LRBA: variants seen among roughly 807,000 people sequenced by gnomAD.
LRBA encodes lipopolysaccharide-responsive and beige-like anchor protein.
In LRBA, 176 loss-of-function variants were observed where a neutral mutation model predicts 330.0. The ratio of observed to expected loss-of-function variants is 0.53; its 90% confidence interval spans 0.47 to 0.60. The LOEUF (loss-of-function observed/expected upper bound fraction) is 0.60, where lower values mean the gene tolerates loss of function less well. Ranked by LOEUF, LRBA falls within the 20% of genes least tolerant of loss-of-function variation. LRBA has a pLI of 0.00. For missense variants in LRBA, 3,259 were observed against 3,444.8 expected, an observed-to-expected ratio of 0.95 and a Z score of 1.35; for synonymous variants, 1,230 against 1,193.0, an observed-to-expected ratio of 1.03 and a Z score of -0.64.
At chr4:150,338,810 C>T (rs1735079373) in intron 48 of LRBA, among the ~76,000 whole-genome samples, 1 of 152,118 alleles carries the variant, frequency 6.6e-6, no homozygotes, top group African/African-American at 2.4e-5. Context: ...TATAGCTAGA[C>T]ATTAACATGT....
chr4:150,915,800 A>G, intron 7 of LRBA, 73 bp from the exon 8 acceptor site: 1 of 1,142,304 alleles, frequency 8.8e-7, no homozygotes, highest in Non-Finnish European at 1.2e-6. Flanking sequence ...CTGATGAGTA[A>G]AAGTTAAATG....
chr4:150,582,357 C>G (rs1484274934), intron 40 of LRBA: 1 of 151,960 alleles, frequency 6.6e-6, no homozygotes, highest in Admixed American at 6.6e-5. Context: ...CACGACCCCC[C>G]GAGAAGAGAC....
At chr4:150,353,069 C>G (rs1485299465) in intron 47 of LRBA, among the ~76,000 whole-genome samples, 1 of 152,132 alleles carries the variant, frequency 6.6e-6, no homozygotes, top group African/African-American at 2.4e-5. Context: ...CTATGCATAT[C>G]TTCAGGCTTA....
At chr4:150,267,089 G>A (rs138059605) in intron 56 of LRBA, among the ~76,000 whole-genome samples, 1,620 of 152,220 alleles carry the variant, frequency 0.011, 23 homozygotes, top group African/African-American at 0.037. Context: ...TGGTTCTACA[G>A]TAATAGTTTT....
chr4:150,593,618 A>C (rs913949014), intron 38 of LRBA, among the ~76,000 whole-genome samples: 2 of 152,214 alleles, frequency 1.3e-5, no homozygotes, highest in African/African-American at 2.4e-5. Flanking sequence ...CTTGTTTTTC[A>C]TAGTGCATTT....
intron 36 of LRBA, among the ~76,000 whole-genome samples, chr4:150,730,242 AC>A (rs2127122057): frequency 6.6e-6 from 1 of 152,358 alleles, no homozygotes; most frequent in South Asian, 2.1e-4. Flanking sequence ...TTGCAAAGCT[AC>A]CCATCTGACA....
chr4:150,369,400 T>C (rs1739934241), intron 47 of LRBA, among the ~76,000 whole-genome samples: 1 of 152,142 alleles, frequency 6.6e-6, no homozygotes. Flanking sequence ...CACAAGAAGG[T>C]TGAATTTAAC....
At chr4:150,302,225 T>C (rs1427044253) in intron 53 of LRBA, among the ~76,000 whole-genome samples, 1 of 152,018 alleles carries the variant, frequency 6.6e-6, no homozygotes. Context: ...GAAAGCATAA[T>C]TTTATCAAGA....
intron 26 of LRBA, 129 bp from the exon 27 acceptor site, chr4:150,844,908 T>C: frequency 1.4e-6 from 1 of 719,340 alleles, no homozygotes; most frequent in Non-Finnish European, 2.3e-6. Flanking sequence ...TTCAGCTTAT[T>C]CCTAAAATGT....
chr4:150,500,078 T>C (rs915505620), intron 40 of LRBA, among the ~76,000 whole-genome samples: 1 of 152,082 alleles, frequency 6.6e-6, no homozygotes, highest in Non-Finnish European at 1.5e-5. Flanking sequence ...CAATAACATA[T>C]AGTTTCAAAC....
chr4:150,579,120 T>G (rs769873334), intron 40 of LRBA: 3 of 387,544 alleles, frequency 7.7e-6, no homozygotes, highest in Admixed American at 6.7e-5. Flanking sequence ...TTTCTCTCAC[T>G]TGGTCTCCTT....
chr4:150,668,872 G>C (rs1198497766), intron 37 of LRBA, among the ~76,000 whole-genome samples: 1 of 152,188 alleles, frequency 6.6e-6, no homozygotes, highest in Non-Finnish European at 1.5e-5. Flanking sequence ...TAAAGAAAGA[G>C]TGTGAGAGTA....
chr4:150,897,695 C>T (rs1009360214), intron 15 of LRBA, 44 bp downstream of exon 15: 3 of 1,316,102 alleles, frequency 2.3e-6, no homozygotes, highest in Non-Finnish European at 3.3e-6. Context: ...GAAATTATAA[C>T]CTTCAATACA....
chr4:150,576,168 A>AG (rs1770517897), intron 40 of LRBA, among the ~76,000 whole-genome samples: 2 of 151,010 alleles, frequency 1.3e-5, no homozygotes, highest in Non-Finnish European at 1.5e-5. Context: ...GGTTTTTAAA[A>AG]AAAAAAAAAG....
rs572592743 is a variant in LRBA, at chr4:150,587,085, C to T, written c.6330+963G>A. ...CCAAGTCCTGTCTTAATAAAGGCAGCAATATTGAAACAAAGTGCTAGAAAT... is the reference window on the plus strand; with the variant it reads ...CCAAGTCCTGTCTTAATAAAGGCAGTAATATTGAAACAAAGTGCTAGAAAT... On this transcript the variant is annotated intron_variant, in intron 40 of 56. Coordinates refer to ENST00000651943, the MANE Select transcript of LRBA (RefSeq NM_001364905.1). Among the ~76,000 whole-genome samples the T allele has an allele frequency of 8.5e-5, 13 of 152,168 alleles. No homozygotes were observed. The South Asian group carries it at 2.7e-3, about 32-fold the overall frequency.
intron 53 of LRBA, among the ~76,000 whole-genome samples, chr4:150,287,902 A>G (rs548164825): frequency 1.3e-5 from 2 of 152,350 alleles, no homozygotes; most frequent in South Asian, 2.1e-4. Context: ...TGTTTCTTAC[A>G]AAGTCCAGAA....
At chr4:150,793,274 G>C (rs1349328668) in intron 34 of LRBA, among the ~76,000 whole-genome samples, 1 of 152,078 alleles carries the variant, frequency 6.6e-6, no homozygotes, top group Admixed American at 6.6e-5. Context: ...CTGAACTCCA[G>C]CCTGGGCAAC....
chr4:150,852,498 T>A lies in LRBA; in HGVS notation c.3212A>T (p.Asp1071Val). The stretch of plus-strand genomic sequence containing the variant: ...AGTTACTTCACTGACAGTCATTGAA[T>A]CTTTGCCAGTTGTTATAAAAGAATT... ...SSNSFITTGKDSMTVSEVTAS... is the reference protein window; with the variant it reads ...SSNSFITTGKVSMTVSEVTAS... Residue 1071 changes from aspartate to valine, a missense_variant, in exon 23 of 57, where the codon GAT becomes GTT. Asp to Val is a radical substitution (Grantham distance 152). Transcript: ENST00000651943. 2 of 1,613,800 alleles carry A rather than the reference T, an allele frequency of 1.2e-6. No homozygotes were observed. The highest frequency in any genetic ancestry group is 1.7e-6 in the Non-Finnish European group (2 of 1,179,950).
chr4:150,997,561 G>A (rs1353133458), intron 2 of LRBA, among the ~76,000 whole-genome samples: 2 of 151,980 alleles, frequency 1.3e-5, no homozygotes, highest in African/African-American at 4.8e-5. Context: ...AGACGATCCT[G>A]CAAGAAAGAT....
Sources: gnomAD v4.1 joint callset for allele counts (sites outside exome capture counted in the v4.1 genomes callset) on GRCh38, gnomAD v4.1.1 for gene constraint, MANE v1.5 for transcripts, NCBI Gene and HGNC (gene_info 2026-07-23, HGNC 2026-07-21) for gene names.